Variants in DNAI4 observed in about 807,000 individuals in gnomAD.
DNAI4 encodes the protein dynein axonemal intermediate chain 4.
In DNAI4, 85 loss-of-function variants were observed where a neutral mutation model predicts 105.8. The ratio of observed to expected loss-of-function variants is 0.80; its 90% CI spans 0.67 to 0.96. DNAI4 has a LOEUF of 0.96. DNAI4 is among the 40% of genes least tolerant of loss of function. DNAI4 has a pLI of 0.00. For synonymous variants in DNAI4, 352 were observed against 331.5 expected, an observed-to-expected ratio of 1.06 and a Z score of -0.67; for missense variants, 1,014 against 1,005.6, an observed-to-expected ratio of 1.01 and a Z score of -0.11.
intron 1 of DNAI4, among the ~76,000 whole-genome samples, chr1:66,909,285 TACACACACACAC>T (rs71058481): frequency 8.5e-4 from 114 of 134,538 alleles, no homozygotes; most frequent in South Asian, 1.2e-3. Context: ...CACCTCTCTC[TACACACACACAC>T]ACACACACAC....
chr1:66,888,111 A>G (rs1398455611), intron 4 of DNAI4, among the ~76,000 whole-genome samples: 1 of 152,184 alleles, frequency 6.6e-6, no homozygotes, highest in Non-Finnish European at 1.5e-5. Flanking sequence ...GAGGATTTAT[A>G]ACATGGAAAT....
rs1557966391 is a variant in DNAI4, at chr1:66,893,335, T to C, written c.424A>G (p.Ser142Gly). Residue 142 changes from serine to glycine, a missense_variant, in exon 3 of 17, where the codon AGT becomes GGT. By Grantham distance (56) the Ser-to-Gly change is moderately conservative. Transcript: ENST00000371026. Reference protein sequence around the residue: ...PDPLTGTAKPSKLLTSQEGSL... With the variant: ...PDPLTGTAKPGKLLTSQEGSL... ...CCTTCTTGTGATGTCAAGAGTTTAC[T>C]TGGTTTTGCTGTACCAGTAAGTGGA... 6.2e-7 allele frequency: 1 copy of C among 1,610,548 alleles called. No homozygotes were observed. Among genetic ancestry groups the C allele is most frequent in the Admixed American group, 1.7e-5 (1 of 59,566 alleles).
At chr1:66,840,714 A>T in intron 8 of DNAI4, 43 bp from the exon 9 acceptor site, 11 of 1,601,198 alleles carry the variant, frequency 6.9e-6, no homozygotes, top group Non-Finnish European at 9.4e-6. Context: ...CTCTACATCT[A>T]TAGGGACCTG....
intron 6 of DNAI4, among the ~76,000 whole-genome samples, chr1:66,864,644 G>A (rs12737198): frequency 6.6e-6 from 1 of 152,266 alleles, no homozygotes; most frequent in Middle Eastern, 3.4e-3. Flanking sequence ...GAGGTCAAGA[G>A]ATCGAGACCA....
intron 16 of DNAI4, among the ~76,000 whole-genome samples, chr1:66,819,590 G>T (rs76657829): frequency 1.3e-5 from 2 of 151,862 alleles, no homozygotes; most frequent in East Asian, 3.9e-4. Flanking sequence ...GTTTCCAAGG[G>T]GCTCATACTA....
At chr1:66,881,421 G>A (rs1647068579) in intron 4 of DNAI4, among the ~76,000 whole-genome samples, 1 of 148,638 alleles carries the variant, frequency 6.7e-6, no homozygotes, top group African/African-American at 2.5e-5. Context: ...CCAAGACCAT[G>A]GGAACCCACC....
At chr1:66,836,202 AAG>A (rs1645994506) in intron 10 of DNAI4, among the ~76,000 whole-genome samples, 5 of 50,864 alleles carry the variant, frequency 9.8e-5, no homozygotes, top group Admixed American at 9.7e-4. Flanking sequence ...GAAAGAAAGA[AAG>A]AAAGAGAGAG....
intron 6 of DNAI4, among the ~76,000 whole-genome samples, chr1:66,869,904 G>A (rs542031534): frequency 6.6e-6 from 1 of 152,242 alleles, no homozygotes; most frequent in African/African-American, 2.4e-5. Flanking sequence ...AATCAAGTAA[G>A]TCATACCTCC....
chr1:66,860,879 C>T (rs1646611836), intron 7 of DNAI4: 1 of 152,102 alleles, frequency 6.6e-6, no homozygotes. Context: ...AACAATGTTT[C>T]TTTAGTGATA....
At chr1:66,892,969 GAA>G (rs71862602) in intron 3 of DNAI4, among the ~76,000 whole-genome samples, 7 of 126,404 alleles carry the variant, frequency 5.5e-5, no homozygotes, top group African/African-American at 2.3e-4. Flanking sequence ...AAGAAAGAAA[GAA>G]AGAAAGAAAG....
chr1:66,871,281 A>T, intron 6 of DNAI4, 89 bp downstream of exon 6: 1 of 1,234,928 alleles, frequency 8.1e-7, no homozygotes, highest in Non-Finnish European at 1.1e-6. Context: ...TTTTTGCTTT[A>T]TACATTTCAA....
At chr1:66,905,103 G>A in intron 2 of DNAI4, 98 bp downstream of exon 2, 6 of 968,816 alleles carry the variant, frequency 6.2e-6, no homozygotes, top group Non-Finnish European at 8.6e-6. Context: ...AAAATTATGA[G>A]TGATTATCTG....
intron 3 of DNAI4, among the ~76,000 whole-genome samples, 174 bp downstream of exon 3, chr1:66,893,055 G>GGAAGGAAGGAA (rs1557965175): frequency 5.0e-5 from 4 of 80,738 alleles, no homozygotes; most frequent in African/African-American, 2.1e-4. Flanking sequence ...AAGAAAGAAA[G>GGAAGGAAGGAA]AGAGAGAGAG....
Position 66,835,735 on chromosome 1 carries a change from C to T in DNAI4, c.1624G>A (p.Val542Met). ...TTAGGTGCTCCAATTGAAAAATCCA[C>T]AGCAGTAACTCCATATGGACTCTGA... The part of the protein sequence containing the change: ...IYQSPYGVTA[V>M]DFSIGAPNLL... Residue 542 changes from valine to methionine, a missense_variant, in exon 11 of 17, where the codon GTG becomes ATG. By Grantham distance (21) the Val-to-Met change is conservative. Transcript: ENST00000371026. 6.2e-7 allele frequency: 1 copy of T among 1,614,096 alleles called. No individual in the cohort carries two copies. Among genetic ancestry groups the T allele is most frequent in the South Asian group, 1.1e-5 (1 of 91,080 alleles).
At chr1:66,895,537 C>T (rs189394951) in intron 2 of DNAI4, among the ~76,000 whole-genome samples, 185 of 152,164 alleles carry the variant, frequency 1.2e-3, no homozygotes, top group Admixed American at 0.011. Context: ...ATATTCAATC[C>T]ACAAATATTC....
At chr1:66,899,436 T>C (rs1412298389) in intron 2 of DNAI4, among the ~76,000 whole-genome samples, 2 of 151,766 alleles carry the variant, frequency 1.3e-5, no homozygotes, top group African/African-American at 4.8e-5. Flanking sequence ...TGAATAATTA[T>C]TTGTCTTTAT....
chr1:66,823,154 C>T (rs7364612), intron 15 of DNAI4, among the ~76,000 whole-genome samples: 25,439 of 102,248 alleles, frequency 0.25, 3,527 homozygotes, highest in South Asian at 0.3. Flanking sequence ...TGACAATATG[C>T]GGTGTTTGGT....
chr1:66,873,001 C>T (rs937344348), intron 5 of DNAI4, among the ~76,000 whole-genome samples: 1 of 152,190 alleles, frequency 6.6e-6, no homozygotes, highest in African/African-American at 2.4e-5. Flanking sequence ...GCTTGAGCTA[C>T]CACACCCGGC....
rs1016907897 is a variant in DNAI4 at position 66,831,045 on chromosome 1, G to C, written c.2013+2540C>G. 4.7e-5 allele frequency among the ~76,000 whole-genome samples: 7 copies of C among 149,774 alleles called. No individual in the cohort carries two copies. In the South Asian group the frequency reaches 8.4e-4, roughly 18 times the overall value. On this transcript the variant is annotated intron_variant, in intron 13 of 16. Coordinates refer to ENST00000371026, the MANE Select transcript of DNAI4 (RefSeq NM_024763.5). ...CCACAACTGTTAAAGGATGCTAAGG[G>C]AGTATTATGTCAATAGATTCCACAA...
Sources: allele counts gnomAD v4.1 joint callset (sites outside exome capture counted in the v4.1 genomes callset), GRCh38; gene constraint gnomAD v4.1.1; transcripts MANE v1.5; gene names NCBI Gene and HGNC (gene_info 2026-07-23, HGNC 2026-07-21).